The following TTC6 variants were observed in gnomAD, a reference collection of about 807,000 sequenced individuals.
TTC6 encodes tetratricopeptide repeat protein 6.
TTC6 carries 172 observed loss-of-function variants against 210.4 expected under a neutral mutation model. The observed-to-expected ratio is 0.82, with a 90% confidence interval of 0.72 to 0.93. The LOEUF is 0.93. TTC6 is among the 40% of genes least tolerant of loss of function. The probability of loss-of-function intolerance (pLI) is 0.00; values close to 1 mark genes in which losing one functional copy is unlikely to be tolerated. For missense variants in TTC6, 2,414 were observed against 2,318.1 expected, an observed-to-expected ratio of 1.04 and a Z score of -0.85; for synonymous variants, 804 against 819.6, an observed-to-expected ratio of 0.98 and a Z score of 0.32.
exon 12 of TTC6, chr14:37,749,765 A>C: frequency 6.8e-7 from 1 of 1,463,274 alleles, no homozygotes; most frequent in Non-Finnish European, 9.0e-7. Context: ...TCGACATTTA[A>C]TTTATCTTTT....
At chr14:37,638,960 C>T (rs1223856817) in intron 1 of TTC6, among the ~76,000 whole-genome samples, 1 of 152,200 alleles carries the variant, frequency 6.6e-6, no homozygotes, top group Admixed American at 6.5e-5. Flanking sequence ...GTTTATCCTT[C>T]TACACTTCTC....
exon 3 of TTC6, chr14:37,682,884 C>G (rs1274037971): frequency 6.5e-7 from 1 of 1,535,494 alleles, no homozygotes; most frequent in Non-Finnish European, 8.7e-7. Context: ...GCAAGTTCAG[C>G]CAGCAGAGGA....
At chr14:37,762,882 CTT>C (rs369694046) in intron 14 of TTC6, among the ~76,000 whole-genome samples, 20 of 129,546 alleles carry the variant, frequency 1.5e-4, no homozygotes, top group Non-Finnish European at 1.6e-4. Flanking sequence ...CTTTTCTTTT[CTT>C]TTTTTTTTTT....
chr14:37,741,928 G>A (rs1296190117), intron 10 of TTC6, among the ~76,000 whole-genome samples: 1 of 152,148 alleles, frequency 6.6e-6, no homozygotes, highest in Non-Finnish European at 1.5e-5. Context: ...TGGTCTCTGA[G>A]CTCAGTGTTG....
intron 10 of TTC6, among the ~76,000 whole-genome samples, chr14:37,745,703 G>C (rs2095933895): frequency 6.6e-6 from 1 of 152,088 alleles, no homozygotes; most frequent in African/African-American, 2.4e-5. Flanking sequence ...TTTGTAGTGG[G>C]TATCTGTGGA....
intron 6 of TTC6, among the ~76,000 whole-genome samples, chr14:37,723,160 A>G (rs1448380831): frequency 1.3e-5 from 2 of 152,042 alleles, no homozygotes; most frequent in African/African-American, 4.8e-5. Context: ...GATTTTTTTT[A>G]GAACACTTTC....
chr14:37,725,356 A>ATG (rs2095870828), intron 7 of TTC6, among the ~76,000 whole-genome samples: 1 of 121,308 alleles, frequency 8.2e-6, no homozygotes, highest in Non-Finnish European at 1.7e-5. Context: ...ATATATATAT[A>ATG]TAATTTTTTT....
chr14:37,787,211 G>T (rs2096069842), intron 14 of TTC6, among the ~76,000 whole-genome samples: 2 of 152,080 alleles, frequency 1.3e-5, no homozygotes, highest in Admixed American at 1.3e-4. Context: ...ATAAATGTAA[G>T]AAATAAAATT....
intron 29 of TTC6, among the ~76,000 whole-genome samples, chr14:37,831,857 A>C (rs921228105): frequency 2.6e-5 from 4 of 152,240 alleles, no homozygotes; most frequent in African/African-American, 9.6e-5. Flanking sequence ...AATAATTTGC[A>C]AATACTTTAT....
intron 14 of TTC6, among the ~76,000 whole-genome samples, chr14:37,781,319 T>C (rs2096054154): frequency 6.6e-6 from 1 of 152,180 alleles, no homozygotes. Flanking sequence ...ATGATTGTCA[T>C]TCTAACTGGA....
intron 1 of TTC6, among the ~76,000 whole-genome samples, chr14:37,602,771 G>A (rs1313053185): frequency 6.6e-6 from 1 of 152,150 alleles, no homozygotes; most frequent in African/African-American, 2.4e-5. Context: ...GTCGGAACTT[G>A]GATCAAGCCT....
At chr14:37,797,689 C>T (rs796178257) in intron 20 of TTC6, among the ~76,000 whole-genome samples, 1 of 151,968 alleles carries the variant, frequency 6.6e-6, no homozygotes, top group African/African-American at 2.4e-5. Flanking sequence ...AATTTGTCAT[C>T]AGGGCGTCTT....
intron 14 of TTC6, among the ~76,000 whole-genome samples, chr14:37,767,140 T>A (rs58878623): frequency 0.23 from 34,246 of 152,172 alleles, 4,563 homozygotes; most frequent in African/African-American, 0.37. Flanking sequence ...CATCATTTTT[T>A]ATGGCTGCAT....
At chr14:37,718,280 T>C (rs2095855924) in intron 6 of TTC6, among the ~76,000 whole-genome samples, 1 of 152,242 alleles carries the variant, frequency 6.6e-6, no homozygotes, top group African/African-American at 2.4e-5. Flanking sequence ...GTCAATCTAC[T>C]GTAATTCATC....
intron 7 of TTC6, among the ~76,000 whole-genome samples, chr14:37,733,827 A>C (rs976823802): frequency 1.3e-5 from 2 of 151,994 alleles, no homozygotes; most frequent in African/African-American, 4.8e-5. Flanking sequence ...TGTATTAATT[A>C]CCTTTTTTTC....
intron 25 of TTC6, among the ~76,000 whole-genome samples, chr14:37,816,754 T>C (rs900428176): frequency 6.6e-6 from 1 of 152,220 alleles, no homozygotes; most frequent in Non-Finnish European, 1.5e-5. Context: ...TTTGCCGTTA[T>C]ATATTTAAAT....
In TTC6 at chr14:37,714,807, T is replaced by G; in HGVS notation, c.1713+11T>G. 1 of 1,529,516 alleles carries G rather than the reference T, an allele frequency of 6.5e-7. No homozygotes were observed. The highest frequency in any genetic ancestry group is 8.7e-7 in the Non-Finnish European group (1 of 1,144,466). 94.7% of individuals were successfully genotyped at this position (1,529,516 alleles called of 1,614,324 possible). Reference sequence around the variant, plus strand: ...GTCTTGGGAGAGGAAGTAAGAACTTTCTTTAATATTAGTTTTTTTGTACCT... The same window carrying G: ...GTCTTGGGAGAGGAAGTAAGAACTTGCTTTAATATTAGTTTTTTTGTACCT... On this transcript the variant is annotated intron_variant, in intron 6 of 30. Coordinates refer to ENST00000553443, the Ensembl canonical transcript of TTC6.
rs763092362 is a variant in TTC6, at chr14:37,622,754, C to A, written c.690C>A (p.Phe230Leu). 1.1e-5 allele frequency: 17 copies of A among 1,535,048 alleles called. No individual in the cohort carries two copies. The East Asian group carries it at 4.2e-4, about 38-fold the overall frequency. The change falls in exon 1 of 31, where the codon TTC becomes TTA. Residue 230 changes from phenylalanine to leucine, a missense_variant. Phe to Leu is a conservative substitution (Grantham distance 22). Coordinates refer to ENST00000553443, the Ensembl canonical transcript of TTC6. ...GGAAAGTGAGGATCCGCAGCAACTT[C>A]GTGAGCGAGAGCGGGGCCCGCGAGG...
intron 1 of TTC6, among the ~76,000 whole-genome samples, chr14:37,632,792 C>T: frequency 6.6e-6 from 1 of 152,204 alleles, no homozygotes; most frequent in South Asian, 2.1e-4. Flanking sequence ...GGGGCTCCTG[C>T]CTTTTCTTCA....
Sources: gnomAD v4.1 joint callset for allele counts (sites outside exome capture counted in the v4.1 genomes callset) on GRCh38, gnomAD v4.1.1 for gene constraint, MANE v1.5 for transcripts, NCBI Gene and HGNC (gene_info 2026-07-23, HGNC 2026-07-21) for gene names.